The following COL4A4 variants were observed in gnomAD, a reference collection of about 807,000 sequenced individuals.
The protein encoded by COL4A4 is collagen alpha-4(IV) chain.
A neutral mutation model predicts 192.9 loss-of-function variants in COL4A4; 105 were observed. That is an observed-to-expected ratio of 0.54 (90% CI 0.46 to 0.64). COL4A4 has a LOEUF of 0.64. COL4A4 is among the 30% of genes least tolerant of loss of function. The probability of loss-of-function intolerance (pLI) is 0.00; values close to 1 mark genes in which losing one functional copy is unlikely to be tolerated. For synonymous variants in COL4A4, 762 were observed against 769.9 expected, an observed-to-expected ratio of 0.99 and a Z score of 0.17; for missense variants, 1,967 against 2,169.3, an observed-to-expected ratio of 0.91 and a Z score of 1.85.
At chr2:227,026,370 C>T (rs189042730) in intron 42 of COL4A4, among the ~76,000 whole-genome samples, 1,567 of 152,010 alleles carry the variant, frequency 0.01, 35 homozygotes, top group African/African-American at 0.036. Context: ...AGGTGGCGGG[C>T]GCCTGTAGTC....
intron 37 of COL4A4, among the ~76,000 whole-genome samples, chr2:227,039,731 G>A (rs13430941): frequency 0.42 from 64,530 of 151,954 alleles, 13,874 homozygotes; most frequent in South Asian, 0.56. Flanking sequence ...ACTGTCTTCC[G>A]GACACAAAAA....
At position 227,060,101 on chromosome 2, in the gene COL4A4, GAAAAAAAAAAAAAA is replaced by G. The variant is rs71422223; in HGVS notation, c.2164+21_2164+34del. The G allele has an allele frequency of 9.9e-6, 5 of 505,772 alleles. No homozygotes were observed. In the African/African-American group the frequency reaches 1.6e-4, roughly 16 times the overall value. 31.3% of individuals were successfully genotyped at this position (505,772 alleles called of 1,614,324 possible). On this transcript the variant is annotated intron_variant, in intron 27 of 47. Coordinates refer to ENST00000396625, the MANE Select transcript of COL4A4 (RefSeq NM_000092.5). ...GTTCCTGATAGATATTCCCAAAGCA[GAAAAAAAAAAAAAA>G]AAAAAAAAAACCTCACTGACCAGGT... is the stretch of plus-strand genomic sequence containing the variant.
At chr2:227,129,921 C>A (rs1208937765) in intron 4 of COL4A4, among the ~76,000 whole-genome samples, 2 of 152,060 alleles carry the variant, frequency 1.3e-5, no homozygotes, top group South Asian at 2.1e-4. Flanking sequence ...TTATTATTAT[C>A]ATTCCTTTCT....
intron 43 of COL4A4, among the ~76,000 whole-genome samples, chr2:227,024,276 C>T (rs1398447772): frequency 2.0e-5 from 3 of 152,190 alleles, no homozygotes; most frequent in Non-Finnish European, 2.9e-5. Flanking sequence ...TTTGGGAGGC[C>T]GAGGCGGGTG....
chr2:227,036,583 A>ATT (rs1397877611), intron 37 of COL4A4, among the ~76,000 whole-genome samples: 4 of 152,230 alleles, frequency 2.6e-5, no homozygotes, highest in African/African-American at 9.6e-5. Context: ...AGATTCTGAA[A>ATT]TAAGATTTAA....
At chr2:227,109,366 G>A (rs2150880328) in intron 9 of COL4A4, 80 bp from the exon 10 acceptor site, 1 of 1,178,812 alleles carries the variant, frequency 8.5e-7, no homozygotes, top group East Asian at 2.3e-5. Flanking sequence ...GTGATCCCAT[G>A]TGGATAAAAA....
intron 26 of COL4A4, among the ~76,000 whole-genome samples, chr2:227,060,991 G>A (rs1420970839): frequency 6.6e-6 from 1 of 152,158 alleles, no homozygotes; most frequent in African/African-American, 2.4e-5. Context: ...CTCCCAAAGT[G>A]CTGAGATTAC....
intron 5 of COL4A4, among the ~76,000 whole-genome samples, chr2:227,120,331 T>C (rs1338485111): frequency 2.0e-5 from 3 of 152,216 alleles, no homozygotes; most frequent in African/African-American, 7.2e-5. Flanking sequence ...TATAGTTTTA[T>C]TCATACTATG....
intron 25 of COL4A4, among the ~76,000 whole-genome samples, chr2:227,070,395 T>C (rs1255573742): frequency 1.3e-5 from 2 of 152,182 alleles, no homozygotes; most frequent in African/African-American, 4.8e-5. Flanking sequence ...TTATAAATCA[T>C]GCTGCTTTAA....
chr2:226,993,876 G>A, the COL4A4 span, among the ~76,000 whole-genome samples: 842 of 152,342 alleles, frequency 5.5e-3, 10 homozygotes, highest in African/African-American at 0.02. Flanking sequence ...CAGTTGCCAT[G>A]TCAGCTTATG....
chr2:226,968,684 C>T, the COL4A4 span, among the ~76,000 whole-genome samples: 1 of 152,116 alleles, frequency 6.6e-6, no homozygotes, highest in East Asian at 1.9e-4. Context: ...TTGTTCTGAC[C>T]CTTGAAAATG....
chr2:227,033,500 C>G lies in COL4A4; in HGVS notation c.3506-19G>C, dbSNP rs200274272. The G allele has an allele frequency of 5.6e-6, 9 of 1,610,004 alleles. No homozygotes were observed. The highest frequency in any genetic ancestry group is 6.8e-6 in the Non-Finnish European group (8 of 1,178,528). On this transcript the variant is annotated intron_variant, in intron 37 of 47. Coordinates refer to ENST00000396625, the MANE Select transcript of COL4A4 (RefSeq NM_000092.5). Reference sequence around the variant, plus strand: ...GAGGGACCTGAAAAACACCACAGGCCTGTGACCCAAAGGAAGACCAGCCAC... The same window carrying G: ...GAGGGACCTGAAAAACACCACAGGCGTGTGACCCAAAGGAAGACCAGCCAC...
At chr2:226,976,576 G>A in the COL4A4 span, among the ~76,000 whole-genome samples, 5 of 152,220 alleles carry the variant, frequency 3.3e-5, no homozygotes, top group South Asian at 2.1e-4. Context: ...ACACAGTTCC[G>A]TGTGGTGCTG....
chr2:226,984,436 A>G, the COL4A4 span, among the ~76,000 whole-genome samples: 1 of 152,198 alleles, frequency 6.6e-6, no homozygotes, highest in African/African-American at 2.4e-5. Context: ...TCATTCCCTG[A>G]TAAGTTTACC....
chr2:227,040,775 G>A (rs1366084783), intron 37 of COL4A4, among the ~76,000 whole-genome samples: 1 of 151,910 alleles, frequency 6.6e-6, no homozygotes, highest in Non-Finnish European at 1.5e-5. Flanking sequence ...TGTTGGCCAG[G>A]CTGGTCTCGA....
chr2:227,160,520 C>A (rs1369256471), intron 1 of COL4A4, among the ~76,000 whole-genome samples: 4 of 152,114 alleles, frequency 2.6e-5, no homozygotes, highest in Admixed American at 6.5e-5. Flanking sequence ...CAGGAGGTCC[C>A]TGAGTGGCTA....
At chr2:227,139,445 C>T (rs1369709701) in intron 4 of COL4A4, among the ~76,000 whole-genome samples, 1 of 152,180 alleles carries the variant, frequency 6.6e-6, no homozygotes, top group Admixed American at 6.5e-5. Flanking sequence ...GGGCTGCTGT[C>T]AGAACATGGG....
chr2:227,001,590 G>A (rs62189816), downstream of COL4A4, among the ~76,000 whole-genome samples: 977 of 152,312 alleles, frequency 6.4e-3, 11 homozygotes, highest in Admixed American at 0.016. Context: ...AAGCCGCTGG[G>A]AGGTAATGGA....
Position 227,098,771 on chromosome 2 carries a change from C to T in COL4A4, c.1127G>A (p.Gly376Asp). The change falls in exon 19 of 48, where the codon GGC becomes GAC. Residue 376 changes from glycine (G) to aspartate (D), a missense_variant. Transcript: ENST00000396625. ...AACATCCCCTGTTTCTCCATAGCGG[C>T]CAGGGAACCCTGGGTCCCCTGGTGG... is the stretch of plus-strand genomic sequence containing the variant. ...KGPPGDPGFP[G>D]RYGETGDVGP... 6.2e-7 allele frequency: 1 copy of T among 1,614,046 alleles called. No individual in the cohort carries two copies. The highest frequency in any genetic ancestry group is 8.5e-7 in the Non-Finnish European group (1 of 1,179,968).
Sources: allele counts gnomAD v4.1 joint callset (sites outside exome capture counted in the v4.1 genomes callset), GRCh38; gene constraint gnomAD v4.1.1; transcripts MANE v1.5; gene names NCBI Gene and HGNC (gene_info 2026-07-23, HGNC 2026-07-21).